Variants in ULK2 observed in about 807,000 individuals in gnomAD.
The protein encoded by ULK2 is unc-51 like autophagy activating kinase 2.
Under a neutral mutation model 127.5 loss-of-function variants are expected in ULK2, and 76 were observed. The observed-to-expected ratio is 0.60, with a 90% confidence interval of 0.50 to 0.72. ULK2 has a LOEUF of 0.72. Ranked by LOEUF, ULK2 falls within the 30% of genes least tolerant of loss-of-function variation. The pLI is 0.00. For missense variants in ULK2, 1,144 were observed against 1,295.9 expected, an observed-to-expected ratio of 0.88 and a Z score of 1.80; for synonymous variants, 452 against 461.9, an observed-to-expected ratio of 0.98 and a Z score of 0.28.
In ULK2 at chr17:19,810,358, G is replaced by A. The variant is rs1490508588; in HGVS notation, c.1157+20C>T. 2.0e-6 allele frequency: 3 copies of A among 1,520,932 alleles called. No individual in the cohort carries two copies. The highest frequency in any genetic ancestry group is 1.8e-6 in the Non-Finnish European group (2 of 1,113,682). The allele number at this position is 1,520,932 out of a possible 1,614,324, so 94.2% of individuals were successfully genotyped here. A position where few individuals can be genotyped will look rare whatever the true frequency, so the allele number is the denominator to read the frequency against. On this transcript the variant is annotated intron_variant, in intron 14 of 26. Transcript: ENST00000395544. The stretch of plus-strand genomic sequence containing the variant: ...TAAAATATAAAACAAATTTTAATAA[G>A]ATAATGTAAATATACATACCCTCCA...
In ULK2 at chr17:19,841,618, C is replaced by T. The variant is rs1196267552; in HGVS notation, c.646-71G>A. 5.9e-5 allele frequency: 72 copies of T among 1,227,760 alleles called. 1 individual carries two copies. Among genetic ancestry groups the T allele is most frequent in the Non-Finnish European group, 7.7e-5 (69 of 891,540 alleles). The allele number at this position is 1,227,760 out of a possible 1,614,324, so 76.1% of individuals were successfully genotyped here. On this transcript the variant is annotated intron_variant, in intron 8 of 26. Transcript: ENST00000395544. ...ACTTTCAAATCATATGATTGACACT[C>T]ATATGCTTTTTTTTTAAGGGATTGA...
At chr17:19,804,036 T>G (rs551756147) in intron 15 of ULK2, among the ~76,000 whole-genome samples, 3 of 152,270 alleles carry the variant, frequency 2.0e-5, no homozygotes, top group South Asian at 4.1e-4. Context: ...TTCTATCCCC[T>G]TCTGTTTTCC....
intron 9 of ULK2, among the ~76,000 whole-genome samples, chr17:19,840,874 G>A (rs1017705760): frequency 1.3e-5 from 2 of 151,814 alleles, no homozygotes; most frequent in Non-Finnish European, 2.9e-5. Context: ...GGGTGACAGA[G>A]CAAGACTCTG....
intron 6 of ULK2, 37 bp from the exon 7 acceptor site, chr17:19,845,414 G>T: frequency 1.3e-6 from 2 of 1,492,852 alleles, no homozygotes; most frequent in South Asian, 1.1e-5. Flanking sequence ...AGCAAATTAC[G>T]TCTTCGCTCA....
chr17:19,837,667 G>T (rs1450240748), intron 10 of ULK2, among the ~76,000 whole-genome samples: 2 of 152,056 alleles, frequency 1.3e-5, no homozygotes, highest in Non-Finnish European at 2.9e-5. Context: ...AAAAACCTTG[G>T]AGTCATCCTT....
At chr17:19,856,064 G>A (rs1056336693) in intron 3 of ULK2, 1 of 152,082 alleles carries the variant, frequency 6.6e-6, no homozygotes, top group Non-Finnish European at 1.5e-5. Flanking sequence ...ACAGTTCAAT[G>A]TGTTGTGACA....
chr17:19,856,498 G>C (rs1390019012), intron 3 of ULK2, among the ~76,000 whole-genome samples: 1 of 151,514 alleles, frequency 6.6e-6, no homozygotes, highest in Admixed American at 6.6e-5. Flanking sequence ...AGGAGAATGA[G>C]GGGAACCTGG....
intron 10 of ULK2, among the ~76,000 whole-genome samples, chr17:19,831,617 G>C (rs562556841): frequency 6.6e-6 from 1 of 152,248 alleles, no homozygotes; most frequent in Non-Finnish European, 1.5e-5. Flanking sequence ...TTGAGGTTGG[G>C]GGTTCAAGAC....
chr17:19,846,177 ACAC>A (rs2041877222), intron 6 of ULK2, among the ~76,000 whole-genome samples: 2 of 152,110 alleles, frequency 1.3e-5, no homozygotes, highest in African/African-American at 4.8e-5. Context: ...GCCAGTAAGC[ACAC>A]CACATCAATT....
intron 10 of ULK2, among the ~76,000 whole-genome samples, chr17:19,829,341 G>A (rs1018279154): frequency 3.3e-5 from 5 of 151,872 alleles, no homozygotes; most frequent in Admixed American, 1.3e-4. Context: ...TTCTAGATCA[G>A]CCTGGAAAAA....
At chr17:19,832,466 G>T (rs1171842524) in intron 10 of ULK2, among the ~76,000 whole-genome samples, 1 of 151,928 alleles carries the variant, frequency 6.6e-6, no homozygotes, top group South Asian at 2.1e-4. Flanking sequence ...CTTTCACCAC[G>T]TTGCCCAGGC....
chr17:19,805,104 G>C (rs1205823725), intron 14 of ULK2, among the ~76,000 whole-genome samples: 4 of 152,062 alleles, frequency 2.6e-5, no homozygotes, highest in African/African-American at 7.3e-5. Context: ...AAGTCCACAG[G>C]TCAGCAAAAC....
At chr17:19,798,308 A>G (rs933333218) in intron 17 of ULK2, among the ~76,000 whole-genome samples, 4 of 152,188 alleles carry the variant, frequency 2.6e-5, no homozygotes, top group African/African-American at 9.7e-5. Context: ...ATATTCTCAC[A>G]AAGATAACAC....
rs112344884 is a variant in ULK2, at chr17:19,810,733, ACTGTG to A, written c.1097-300_1097-296del. 1.6e-3 allele frequency among the ~76,000 whole-genome samples: 239 copies of A among 152,350 alleles called. 1 individual carries two copies. Among genetic ancestry groups the A allele is most frequent in the African/African-American group, 5.5e-3 (228 of 41,580 alleles). ...TTTCTTCCCCATTAAACATGCAAAA[ACTGTG>A]CTGTTTTTATCAGGTTCCTTTTTCT... On this transcript the variant is annotated intron_variant, in intron 13 of 26. Coordinates refer to ENST00000395544, the MANE Select transcript of ULK2 (RefSeq NM_014683.4).
At chr17:19,781,237 C>CT (rs2086913043) in intron 23 of ULK2, 133 bp from the exon 24 acceptor site, 9 of 529,920 alleles carry the variant, frequency 1.7e-5, no homozygotes, top group South Asian at 5.6e-5. Flanking sequence ...TTTCTTCTTT[C>CT]TTTTCTTTTT....
At chr17:19,862,714 C>T (rs543814372) in intron 3 of ULK2, among the ~76,000 whole-genome samples, 4 of 152,190 alleles carry the variant, frequency 2.6e-5, no homozygotes, top group Non-Finnish European at 5.9e-5. Flanking sequence ...GACCCACCTA[C>T]CTCAGCCTTC....
chr17:19,826,559 C>T (rs181893354), intron 10 of ULK2, among the ~76,000 whole-genome samples: 2 of 152,314 alleles, frequency 1.3e-5, no homozygotes, highest in African/African-American at 4.8e-5. Context: ...CCCATGTGAA[C>T]TACAGCTGTT....
chr17:19,826,984 A>T (rs2041314020), intron 10 of ULK2, among the ~76,000 whole-genome samples: 1 of 151,968 alleles, frequency 6.6e-6, no homozygotes, highest in Non-Finnish European at 1.5e-5. Context: ...AACTACAAAA[A>T]CAATACATTC....
At chr17:19,803,651 A>G (rs2087449255) in intron 15 of ULK2, among the ~76,000 whole-genome samples, 1 of 152,220 alleles carries the variant, frequency 6.6e-6, no homozygotes, top group Non-Finnish European at 1.5e-5. Flanking sequence ...ATCTTGGCAC[A>G]GAGGGAACTC....
Sources: gnomAD v4.1 joint callset for allele counts (sites outside exome capture counted in the v4.1 genomes callset) on GRCh38, gnomAD v4.1.1 for gene constraint, MANE v1.5 for transcripts, NCBI Gene and HGNC (gene_info 2026-07-23, HGNC 2026-07-21) for gene names.